Variants in SCN1A observed in about 807,000 individuals in gnomAD.
The protein encoded by SCN1A is sodium voltage-gated channel alpha subunit 1.
In SCN1A, 13 loss-of-function variants were observed where a neutral mutation model predicts 193.7. The ratio of observed to expected loss-of-function variants is 0.07; its 90% CI spans 0.04 to 0.11. SCN1A has a LOEUF of 0.11. SCN1A is among the 10% of genes least tolerant of loss of function. The pLI is 1.00. For missense variants in SCN1A, 1,432 were observed against 2,451.1 expected (o/e 0.58, Z 8.78); for synonymous variants, 781 against 843.6 (o/e 0.93, Z 1.29).
At chr2:166,109,364 G>A (rs1689044146) in intron 2 of SCN1A, 1 of 152,158 alleles carries the variant, frequency 6.6e-6, no homozygotes, top group African/African-American at 2.4e-5. Context: ...GCAACACATT[G>A]AGAGTCTCAA....
At chr2:166,110,797 C>T (rs13034850) in intron 2 of SCN1A, among the ~76,000 whole-genome samples, 10,866 of 152,168 alleles carry the variant, frequency 0.071, 499 homozygotes, top group Middle Eastern at 0.21. Flanking sequence ...TGGGAGGAAC[C>T]CAGTGGGAGG....
At chr2:166,098,170 C>T (rs1475992962) in intron 2 of SCN1A, among the ~76,000 whole-genome samples, 1 of 152,120 alleles carries the variant, frequency 6.6e-6, no homozygotes, top group Non-Finnish European at 1.5e-5. Context: ...GCTAATCCAC[C>T]ATGATCAAGT....
chr2:166,035,972 G>T, intron 19 of SCN1A, 76 bp downstream of exon 19: 1 of 1,437,234 alleles, frequency 7.0e-7, no homozygotes, highest in Non-Finnish European at 9.7e-7. Context: ...ACATCATTAA[G>T]CTGAGGATCA....
intron 4 of SCN1A, among the ~76,000 whole-genome samples, chr2:166,062,879 T>G (rs1024444066): frequency 1.3e-5 from 2 of 152,120 alleles, no homozygotes; most frequent in African/African-American, 2.4e-5. Context: ...ATTTCATTAA[T>G]ACAACTTATC....
At chr2:166,036,749 AG>A (rs1181127444) in intron 18 of SCN1A, among the ~76,000 whole-genome samples, 1 of 152,190 alleles carries the variant, frequency 6.6e-6, no homozygotes, top group Non-Finnish European at 1.5e-5. Context: ...GTTGCTCTCA[AG>A]TTCTCCCATT....
chr2:166,084,974 A>AGTGCT (rs1486787603), intron 2 of SCN1A, among the ~76,000 whole-genome samples: 2 of 152,094 alleles, frequency 1.3e-5, no homozygotes, highest in African/African-American at 4.8e-5. Context: ...CTAGGTGGAG[A>AGTGCT]GTGCTAAGTG....
chr2:166,037,725 A>G (rs748537633), intron 18 of SCN1A, 51 bp downstream of exon 18: 1 of 1,526,738 alleles, frequency 6.5e-7, no homozygotes, highest in Admixed American at 1.7e-5. Context: ...ATATGTATAC[A>G]TGTGCCATGC....
At chr2:166,101,659 G>A (rs1307263565) in intron 2 of SCN1A, among the ~76,000 whole-genome samples, 1 of 152,128 alleles carries the variant, frequency 6.6e-6, no homozygotes, top group African/African-American at 2.4e-5. Context: ...ACTGTGCTGG[G>A]ATAACTGGCT....
chr2:166,048,757 A>T, intron 10 of SCN1A, 129 bp downstream of exon 10: 1 of 687,414 alleles, frequency 1.5e-6, no homozygotes, highest in Non-Finnish European at 2.6e-6. Context: ...CAAAAACCTT[A>T]CATATAGCAA....
At chr2:165,994,765 T>A (rs1020092721) in intron 27 of SCN1A, among the ~76,000 whole-genome samples, 7 of 151,806 alleles carry the variant, frequency 4.6e-5, no homozygotes, top group Admixed American at 4.6e-4. Context: ...AAGAAACCCA[T>A]TTAATTTTTT....
rs1459721303 is a variant in SCN1A at position 165,994,219 on chromosome 2, G to A, written c.4779C>T (p.Ile1593=). The A allele has an allele frequency of 6.2e-7, 1 of 1,612,820 alleles. No homozygotes were observed. Among genetic ancestry groups the A allele is most frequent in the Non-Finnish European group, 8.5e-7 (1 of 1,179,252 alleles). The change falls in exon 28 of 29, where the codon ATC becomes ATT. Residue 1593 remains isoleucine (I), a synonymous_variant. Transcript: ENST00000674923. ...TGGTAAAATAATAATGGCGTAGAGA[G>A]ATGAGTTTCAGTACACACTCTCCAG... The part of the protein sequence containing the change: ...LFTGECVLKL[I]SLRHYYFTIG...
At chr2:166,012,728 T>C (rs1230519424) in intron 21 of SCN1A, among the ~76,000 whole-genome samples, 1 of 149,606 alleles carries the variant, frequency 6.7e-6, no homozygotes, top group African/African-American at 2.5e-5. Context: ...TTTGACTAAA[T>C]AGTTGGGTTC....
At chr2:166,001,735 C>T (rs1291520696) in intron 24 of SCN1A, among the ~76,000 whole-genome samples, 2 of 151,560 alleles carry the variant, frequency 1.3e-5, no homozygotes, top group East Asian at 1.9e-4. Flanking sequence ...CTTGGAGACC[C>T]AGTCTTAGAG....
chr2:166,008,658 C>G (rs1200117579), intron 23 of SCN1A, among the ~76,000 whole-genome samples: 1 of 150,950 alleles, frequency 6.6e-6, no homozygotes, highest in African/African-American at 2.4e-5. Flanking sequence ...ACAAGTCCTA[C>G]GTTCTTACAA....
chr2:166,142,130 A>C (rs796535133), intron 1 of SCN1A, among the ~76,000 whole-genome samples: 11 of 152,308 alleles, frequency 7.2e-5, no homozygotes, highest in African/African-American at 2.6e-4. Flanking sequence ...GGTCTGTGGA[A>C]GTGGCTAGAG....
chr2:166,044,787 C>A (rs1205210159), intron 13 of SCN1A, among the ~76,000 whole-genome samples: 1 of 152,004 alleles, frequency 6.6e-6, no homozygotes, highest in Non-Finnish European at 1.5e-5. Flanking sequence ...AGACAAATAT[C>A]AGCAGACAGT....
chr2:166,010,871 A>G (rs1358307001), intron 22 of SCN1A, among the ~76,000 whole-genome samples: 1 of 151,154 alleles, frequency 6.6e-6, no homozygotes, highest in Non-Finnish European at 1.5e-5. Flanking sequence ...AAAATTTTCT[A>G]TAAAATTATT....
At chr2:165,996,178 T>C in intron 26 of SCN1A, 61 bp from the exon 27 acceptor site, 1 of 1,042,692 alleles carries the variant, frequency 9.6e-7, no homozygotes, top group Non-Finnish European at 1.5e-6. Context: ...TTTTTCAATG[T>C]TAAAATAGAA....
upstream of SCN1A, among the ~76,000 whole-genome samples, chr2:166,132,480 T>C (rs1248879864): frequency 1.3e-5 from 2 of 151,650 alleles, no homozygotes; most frequent in East Asian, 2.0e-4. Context: ...ATTTTAGAAA[T>C]AGAAACCATA....
Sources: allele counts gnomAD v4.1 joint callset (sites outside exome capture counted in the v4.1 genomes callset), GRCh38; gene constraint gnomAD v4.1.1; transcripts MANE v1.5; gene names NCBI Gene and HGNC (gene_info 2026-07-23, HGNC 2026-07-21).